The following PCA3 variants were observed in gnomAD, a reference collection of about 807,000 sequenced individuals.
The protein encoded by PCA3 is Differential Display code 3.
chr9:76,777,537 A>G (rs1358542034), intron 2 of PCA3, among the ~76,000 whole-genome samples: 1 of 152,246 alleles, frequency 6.6e-6, no homozygotes, highest in African/African-American at 2.4e-5. Context: ...AAATGTATTC[A>G]TTTATTCAAT....
intron 2 of PCA3, among the ~76,000 whole-genome samples, chr9:76,774,447 A>AT (rs2053465460): frequency 2.1e-5 from 1 of 46,516 alleles, no homozygotes; most frequent in Admixed American, 2.0e-4. Context: ...CTCCAGTTCA[A>AT]CCCTTTTTTT....
In PCA3 at chr9:76,787,299, CGTT is replaced by C. The variant is rs1367681075; in HGVS notation, n.853-21280_853-21278del. 4 of 138,926 alleles carry C rather than the reference CGTT, an allele frequency of 2.9e-5. No individual in the cohort carries two copies. In the East Asian group the frequency reaches 6.2e-4, roughly 21 times the overall value. The allele number at this position is 138,926 out of a possible 1,614,324, so 8.6% of individuals were successfully genotyped here. A position where few individuals can be genotyped will look rare whatever the true frequency, so the allele number is the denominator to read the frequency against. On this transcript the variant is annotated intron_variant and non_coding_transcript_variant, in intron 2 of 5. Coordinates refer to ENST00000644657, the Ensembl canonical transcript of PCA3. ...ATTATTTTCTTTTACTACTATATTA[CGTT>C]GTTATTATTTTGTTCTCTATAGTAT...
At chr9:76,784,511 G>A (rs1420977502) in intron 2 of PCA3, 1 of 152,140 alleles carries the variant, frequency 6.6e-6, no homozygotes, top group Non-Finnish European at 1.5e-5. Flanking sequence ...TCAAAACAAA[G>A]CTGTTGTAAT....
At position 76,777,250 on chromosome 9, in the gene PCA3, G is replaced by A. The variant is rs569181244; in HGVS notation, n.853-31333G>A. On this transcript the variant is annotated intron_variant and non_coding_transcript_variant, in intron 2 of 5. Transcript: ENST00000644657. Reference sequence around the variant, plus strand: ...GGATTCCACAATGAAGTAGGAGAGGGGTGCCAACCTCAGTTTTAGTAGGGA... The same window carrying A: ...GGATTCCACAATGAAGTAGGAGAGGAGTGCCAACCTCAGTTTTAGTAGGGA... Among the ~76,000 whole-genome samples the A allele has an allele frequency of 3.9e-5, 6 of 152,252 alleles. No homozygotes were observed. In the South Asian group the frequency reaches 1.0e-3, roughly 26 times the overall value.
chr9:76,776,133 T>C (rs2053707195), intron 2 of PCA3, among the ~76,000 whole-genome samples: 1 of 152,222 alleles, frequency 6.6e-6, no homozygotes, highest in Admixed American at 6.5e-5. Context: ...TAAGCACAAA[T>C]GAAATTTTTT....
chr9:76,781,088 T>C (rs2054338629), intron 2 of PCA3, among the ~76,000 whole-genome samples: 2 of 152,300 alleles, frequency 1.3e-5, no homozygotes, highest in Middle Eastern at 6.8e-3. Context: ...TAAAAATGTA[T>C]CTTGAATTTT....
At chr9:76,774,211 C>A (rs1343684788) in intron 2 of PCA3, among the ~76,000 whole-genome samples, 1 of 152,086 alleles carries the variant, frequency 6.6e-6, no homozygotes. Context: ...TCATAGCTCA[C>A]TGCAGCCTCA....
intron 2 of PCA3, among the ~76,000 whole-genome samples, chr9:76,767,803 G>T (rs1243353680): frequency 6.6e-6 from 1 of 152,156 alleles, no homozygotes; most frequent in Non-Finnish European, 1.5e-5. Flanking sequence ...GTGCACACTG[G>T]CTCCTATCTT....
At chr9:76,771,396 C>T (rs1289756588) in intron 2 of PCA3, among the ~76,000 whole-genome samples, 1 of 152,114 alleles carries the variant, frequency 6.6e-6, no homozygotes, top group East Asian at 1.9e-4. Flanking sequence ...TCTTCATGCA[C>T]TTAATAAGTC....
At chr9:76,771,200 C>A (rs1336627124) in intron 2 of PCA3, among the ~76,000 whole-genome samples, 5 of 152,056 alleles carry the variant, frequency 3.3e-5, no homozygotes, top group African/African-American at 1.2e-4. Flanking sequence ...TGAAAGGTTG[C>A]AATTTTGATA....
At chr9:76,764,979 T>A (rs73460248) in intron 2 of PCA3, among the ~76,000 whole-genome samples, 10,618 of 152,230 alleles carry the variant, frequency 0.07, 1,190 homozygotes, top group African/African-American at 0.23. Flanking sequence ...GCAGAGCAGA[T>A]TTAGAGAAAA....
chr9:76,773,750 A>T (rs978194921), intron 2 of PCA3, among the ~76,000 whole-genome samples: 41 of 152,126 alleles, frequency 2.7e-4, no homozygotes, highest in Non-Finnish European at 2.9e-5. Flanking sequence ...GGCCAAGTAC[A>T]TCTTATGTAG....
At chr9:76,775,110 G>A (rs1345572335) in intron 2 of PCA3, among the ~76,000 whole-genome samples, 1 of 152,136 alleles carries the variant, frequency 6.6e-6, no homozygotes, top group East Asian at 1.9e-4. Context: ...GAACCGAATA[G>A]GACCAGACAG....
intron 2 of PCA3, among the ~76,000 whole-genome samples, chr9:76,773,438 C>CTTTTT (rs35078779): frequency 3.7e-5 from 4 of 107,600 alleles, no homozygotes; most frequent in Non-Finnish European, 7.4e-5. Flanking sequence ...ACTAGTACAT[C>CTTTTT]TTTTTTTTTT....
At chr9:76,780,879 GCTGCAACCTAGGGTGTGC>G (rs2054309472) in intron 2 of PCA3, among the ~76,000 whole-genome samples, 1 of 152,106 alleles carries the variant, frequency 6.6e-6, no homozygotes, top group Non-Finnish European at 1.5e-5. Context: ...CGCAGGCTAC[GCTGCAACCTAGGGTGTGC>G]CTGCAACCCT....
chr9:76,765,506 A>G (rs2052252695), intron 2 of PCA3, among the ~76,000 whole-genome samples: 1 of 152,176 alleles, frequency 6.6e-6, no homozygotes, highest in Non-Finnish European at 1.5e-5. Context: ...GGCACTATAA[A>G]CAGCTCTCAT....
chr9:76,767,842 T>C (rs1471761804), intron 2 of PCA3, among the ~76,000 whole-genome samples: 1 of 152,198 alleles, frequency 6.6e-6, no homozygotes, highest in Non-Finnish European at 1.5e-5. Context: ...TTTCGGTGTT[T>C]TCAGCATTAC....
chr9:76,772,052 T>C (rs1293936971), intron 2 of PCA3, among the ~76,000 whole-genome samples: 6 of 152,174 alleles, frequency 3.9e-5, no homozygotes, highest in Non-Finnish European at 5.9e-5. Flanking sequence ...AAACTACCTT[T>C]TAACCCAAGA....
At chr9:76,782,349 A>G (rs10121266) in intron 2 of PCA3, among the ~76,000 whole-genome samples, 11,697 of 152,280 alleles carry the variant, frequency 0.077, 456 homozygotes, top group African/African-American at 0.11. Context: ...AACAGTCAGC[A>G]TTTTTGATAA....
Sources: allele counts gnomAD v4.1 joint callset (sites outside exome capture counted in the v4.1 genomes callset), GRCh38; gene constraint gnomAD v4.1.1; transcripts MANE v1.5; gene names NCBI Gene and HGNC (gene_info 2026-07-23, HGNC 2026-07-21).